The following BICD1 variants were observed in gnomAD, a reference collection of about 807,000 sequenced individuals.
BICD1 encodes BICD cargo adaptor 1, also known as protein bicaudal D homolog 1.
In BICD1, 35 loss-of-function variants were observed where a neutral mutation model predicts 92.5. The ratio of observed to expected loss-of-function variants is 0.38; its 90% CI spans 0.29 to 0.50. The LOEUF (loss-of-function observed/expected upper bound fraction) is 0.50, where lower values mean the gene tolerates loss of function less well. Ranked by LOEUF, BICD1 falls within the 20% of genes least tolerant of loss-of-function variation. The pLI is 0.93. For synonymous variants in BICD1, 429 were observed against 465.1 expected (o/e 0.92, Z 1.00); for missense variants, 950 against 1,189.8 (o/e 0.80, Z 2.97).
At chr12:32,198,272 G>A (rs1944783968) in intron 1 of BICD1, among the ~76,000 whole-genome samples, 1 of 142,936 alleles carries the variant, frequency 7.0e-6, no homozygotes, top group Non-Finnish European at 1.5e-5. Flanking sequence ...AGTTTTTACG[G>A]CACAGACTTT....
At chr12:32,144,540 T>G (rs1188254241) in intron 1 of BICD1, among the ~76,000 whole-genome samples, 1 of 152,168 alleles carries the variant, frequency 6.6e-6, no homozygotes, top group Non-Finnish European at 1.5e-5. Context: ...TACGAAACAT[T>G]TTGTCAAATA....
At chr12:32,366,578 G>A (rs1457770981) in intron 8 of BICD1, among the ~76,000 whole-genome samples, 3 of 152,144 alleles carry the variant, frequency 2.0e-5, no homozygotes, top group African/African-American at 4.8e-5. Flanking sequence ...CCCAGGAGGC[G>A]GAGGTTGCAG....
intron 1 of BICD1, among the ~76,000 whole-genome samples, chr12:32,139,903 T>C (rs1333960050): frequency 6.6e-6 from 1 of 152,218 alleles, no homozygotes; most frequent in East Asian, 1.9e-4. Flanking sequence ...AGAAAACTTG[T>C]TGGCGTGTTT....
Position 32,152,733 on chromosome 12 carries a change from A to G in BICD1, c.213+45189A>G, listed in dbSNP as rs150056356. Among the ~76,000 whole-genome samples the G allele has an allele frequency of 3.6e-4, 55 of 152,336 alleles. 1 individual carries two copies. Among genetic ancestry groups the G allele is most frequent in the African/African-American group, 1.2e-3 (49 of 41,564 alleles). Reference sequence around the variant, plus strand: ...TTCTTTTATTTATGGAATTATTTCTATAGGCATATGTCATAACCTTTTATT... The same window carrying G: ...TTCTTTTATTTATGGAATTATTTCTGTAGGCATATGTCATAACCTTTTATT... On this transcript the variant is annotated intron_variant, in intron 1 of 9. Transcript: ENST00000652176.
At chr12:32,347,139 C>A (rs1335545533) in intron 8 of BICD1, among the ~76,000 whole-genome samples, 1 of 150,910 alleles carries the variant, frequency 6.6e-6, no homozygotes, top group Non-Finnish European at 1.5e-5. Context: ...TTAGTAGAGA[C>A]AGGGTTTCTC....
intron 1 of BICD1, among the ~76,000 whole-genome samples, chr12:32,132,370 T>C (rs2630567): frequency 0.8 from 119,117 of 149,416 alleles, 47,545 homozygotes; most frequent in Middle Eastern, 0.89. Context: ...GAACCGAGAT[T>C]GTGCCACTGC....
chr12:32,267,129 C>G (rs184796532), intron 2 of BICD1, among the ~76,000 whole-genome samples: 3 of 152,304 alleles, frequency 2.0e-5, no homozygotes, highest in Admixed American at 6.5e-5. Flanking sequence ...TAAATGCTCT[C>G]TGATAGGTGT....
chr12:32,214,163 A>C (rs1381917892), intron 1 of BICD1, among the ~76,000 whole-genome samples: 1 of 152,148 alleles, frequency 6.6e-6, no homozygotes, highest in Non-Finnish European at 1.5e-5. Context: ...ACATATCCTC[A>C]TTATCTTTTA....
intron 2 of BICD1, among the ~76,000 whole-genome samples, chr12:32,223,691 G>A (rs1945603421): frequency 1.3e-5 from 2 of 152,066 alleles, no homozygotes. Context: ...CTTTTCCTTT[G>A]CATTCACAAT....
intron 1 of BICD1, among the ~76,000 whole-genome samples, chr12:32,176,239 G>A (rs1490767829): frequency 6.6e-6 from 1 of 152,106 alleles, no homozygotes; most frequent in Non-Finnish European, 1.5e-5. Flanking sequence ...CTTTTCAGTA[G>A]GTACCTAGGA....
intron 1 of BICD1, among the ~76,000 whole-genome samples, chr12:32,150,210 G>A (rs1295889081): frequency 6.6e-6 from 1 of 152,200 alleles, no homozygotes; most frequent in Non-Finnish European, 1.5e-5. Context: ...TTCAAGATGA[G>A]ATTTGGGTGG....
At position 32,107,241 on chromosome 12, in the gene BICD1, A is replaced by T; in HGVS notation, c.-91A>T. 1 of 1,210,324 alleles carries T rather than the reference A, an allele frequency of 8.3e-7. No homozygotes were observed. Among genetic ancestry groups the T allele is most frequent in the Non-Finnish European group, 1.2e-6 (1 of 865,808 alleles). 75.0% of individuals were successfully genotyped at this position (1,210,324 alleles called of 1,614,324 possible). ...CGCACTTTCTTTTCCGTTTCCACCC[A>T]TCCCTTCCCATTTCCTTCTCCCTTT... On this transcript the variant is annotated 5_prime_UTR_variant, in exon 1 of 10. Coordinates refer to ENST00000652176, the MANE Select transcript of BICD1 (RefSeq NM_001714.4).
chr12:32,377,531 C>T lies in BICD1; in HGVS notation c.2841-9C>T, dbSNP rs201505276. On this transcript the variant is annotated splice_polypyrimidine_tract_variant and intron_variant, in intron 9 of 9. Transcript: ENST00000652176. ...GTTTCTTGCTGACGTGCTTGTTTCT[C>T]CTTTCCAGTCCTGACACAGCTCTCC... The T allele has an allele frequency of 1.4e-5, 23 of 1,612,940 alleles. No individual in the cohort carries two copies. The highest frequency in any genetic ancestry group is 2.0e-5 in the Non-Finnish European group (23 of 1,178,936).
intron 2 of BICD1, among the ~76,000 whole-genome samples, chr12:32,291,909 A>C (rs770156375): frequency 1.3e-5 from 2 of 152,192 alleles, no homozygotes; most frequent in Non-Finnish European, 2.9e-5. Flanking sequence ...AAAGTCAGGT[A>C]TACTTCTAGA....
chr12:32,205,516 A>G (rs1945024093), intron 1 of BICD1, among the ~76,000 whole-genome samples: 1 of 151,892 alleles, frequency 6.6e-6, no homozygotes, highest in Non-Finnish European at 1.5e-5. Flanking sequence ...TCATACTTTC[A>G]GTGAATAATG....
chr12:32,336,398 T>C (rs906956883), intron 6 of BICD1, among the ~76,000 whole-genome samples: 3 of 152,260 alleles, frequency 2.0e-5, no homozygotes, highest in Non-Finnish European at 4.4e-5. Flanking sequence ...GACAGCCTGC[T>C]GTATCTGTAT....
chr12:32,306,019 G>C lies in BICD1; in HGVS notation c.902G>C (p.Arg301Pro), dbSNP rs1277891597. ...GPLVKLNGDY[R>P]TPTLRKGESL... The stretch of plus-strand genomic sequence containing the variant: ...CTTGTGAAACTGAATGGAGACTATC[G>C]GACTCCCACCTTAAGGAAAGGAGAG... Residue 301 changes from arginine (R) to proline (P), a missense_variant, in exon 4 of 10, where the codon CGG (arginine) becomes CCG (proline). Physicochemically the swap from Arg to Pro is moderately radical, Grantham distance 103. This residue lies in a region of BICD1 where 246 missense variants were observed against 258.4 expected (regional missense o/e 0.95). Coordinates refer to ENST00000652176, the MANE Select transcript of BICD1 (RefSeq NM_001714.4). 5 of 1,613,998 alleles carry C rather than the reference G, an allele frequency of 3.1e-6. No individual in the cohort carries two copies. Among genetic ancestry groups the C allele is most frequent in the Non-Finnish European group, 4.2e-6 (5 of 1,179,958 alleles).
chr12:32,282,630 T>C (rs1242453055), intron 2 of BICD1, among the ~76,000 whole-genome samples: 1 of 152,062 alleles, frequency 6.6e-6, no homozygotes, highest in African/African-American at 2.4e-5. Context: ...TGAGGTTGCC[T>C]TTGGGAAGTG....
chr12:32,272,006 C>T (rs913766929), intron 2 of BICD1, among the ~76,000 whole-genome samples: 8 of 151,976 alleles, frequency 5.3e-5, no homozygotes, highest in African/African-American at 1.9e-4. Flanking sequence ...CTCAGTTTAC[C>T]CATTATTGTA....
Sources: allele counts gnomAD v4.1 joint callset (sites outside exome capture counted in the v4.1 genomes callset), GRCh38; gene constraint gnomAD v4.1.1; regional missense constraint gnomAD v4.1.1; transcripts MANE v1.5; gene names NCBI Gene and HGNC (gene_info 2026-07-23, HGNC 2026-07-21).